Variants in CDYL2 observed in about 807,000 individuals in gnomAD.
CDYL2 encodes chromodomain Y-like protein 2.
CDYL2 carries 23 observed loss-of-function variants against 49.4 expected under a neutral mutation model. That is an observed-to-expected ratio of 0.47 (90% CI 0.34 to 0.66). The LOEUF (loss-of-function observed/expected upper bound fraction) is 0.66, where lower values mean the gene tolerates loss of function less well. Ranked by LOEUF, CDYL2 falls within the 30% of genes least tolerant of loss-of-function variation. The pLI, the probability that CDYL2 is intolerant of heterozygous loss-of-function variation, is 0.01. For synonymous variants in CDYL2, 360 were observed against 268.8 expected (o/e 1.34, Z -3.32); for missense variants, 678 against 656.4 (o/e 1.03, Z -0.36).
At chr16:80,686,622 G>C (rs544973548) in intron 1 of CDYL2, among the ~76,000 whole-genome samples, 1 of 152,188 alleles carries the variant, frequency 6.6e-6, no homozygotes, top group East Asian at 1.9e-4. Flanking sequence ...TTATGTTTAC[G>C]TGTTTGAATT....
At chr16:80,625,263 C>G (rs182748027) in intron 3 of CDYL2, among the ~76,000 whole-genome samples, 2 of 152,160 alleles carry the variant, frequency 1.3e-5, no homozygotes, top group Non-Finnish European at 2.9e-5. Context: ...CTTATAGAGG[C>G]CACCCACATT....
At position 80,767,277 on chromosome 16, in the gene CDYL2, TTTTTCAAAGAAAAGTTCTCTGAAAA is replaced by T. The variant is rs768722584; in HGVS notation, c.24+36848_24+36872del. On this transcript the variant is annotated intron_variant, in intron 1 of 6. Transcript: ENST00000570137. ...ACCCCAACTGCATTTTTGCACAGAA[TTTTTCAAAGAAAAGTTCTCTGAAAA>T]TTTTCAAAGAAAAGTTCTCTGAGCC... 2.0e-5 allele frequency among the ~76,000 whole-genome samples: 3 copies of T among 152,290 alleles called. No homozygotes were observed. In the East Asian group the frequency reaches 5.8e-4, roughly 29 times the overall value.
At chr16:80,730,305 T>A (rs6564787) in intron 1 of CDYL2, among the ~76,000 whole-genome samples, 1 of 151,906 alleles carries the variant, frequency 6.6e-6, no homozygotes, top group African/African-American at 2.4e-5. Context: ...AAACTGCCAT[T>A]AGAGAATGCT....
At chr16:80,786,264 C>A (rs964675552) in intron 1 of CDYL2, among the ~76,000 whole-genome samples, 2 of 152,058 alleles carry the variant, frequency 1.3e-5, no homozygotes, top group Admixed American at 1.3e-4. Flanking sequence ...AACAAATTTA[C>A]AAGAAAAAAG....
chr16:80,625,545 G>A (rs772345899), intron 3 of CDYL2, among the ~76,000 whole-genome samples: 7 of 152,312 alleles, frequency 4.6e-5, no homozygotes, highest in South Asian at 4.2e-4. Context: ...ATTTGGACAT[G>A]AACATCTTGG....
chr16:80,708,401 C>A (rs1018178063), intron 1 of CDYL2, among the ~76,000 whole-genome samples: 1 of 152,168 alleles, frequency 6.6e-6, no homozygotes, highest in Non-Finnish European at 1.5e-5. Context: ...TAAGACGTGA[C>A]TTTGCTCCTC....
At chr16:80,784,813 C>T (rs1907381537) in intron 1 of CDYL2, among the ~76,000 whole-genome samples, 2 of 152,156 alleles carry the variant, frequency 1.3e-5, no homozygotes, top group African/African-American at 4.8e-5. Flanking sequence ...AGCTGGGCTG[C>T]CCCAAGAATA....
At chr16:80,647,069 A>G (rs1908382582) in intron 2 of CDYL2, among the ~76,000 whole-genome samples, 1 of 152,210 alleles carries the variant, frequency 6.6e-6, no homozygotes, top group Non-Finnish European at 1.5e-5. Context: ...CCAACAGTAA[A>G]CAATCTGAAA....
chr16:80,803,599 C>G (rs1391446452), intron 1 of CDYL2, among the ~76,000 whole-genome samples: 1 of 144,080 alleles, frequency 6.9e-6, no homozygotes, highest in Admixed American at 6.8e-5. Context: ...CCCACCCAGC[C>G]TCCCCCTTCG....
At chr16:80,616,724 G>A (rs112783175) in intron 4 of CDYL2, among the ~76,000 whole-genome samples, 1 of 152,318 alleles carries the variant, frequency 6.6e-6, no homozygotes, top group African/African-American at 2.4e-5. Flanking sequence ...TTAGCTAGAA[G>A]TCATGGCTGG....
At chr16:80,776,244 G>C (rs1449839210) in intron 1 of CDYL2, among the ~76,000 whole-genome samples, 2 of 152,164 alleles carry the variant, frequency 1.3e-5, no homozygotes, top group African/African-American at 2.4e-5. Context: ...AAATAAGTAA[G>C]TTAAGCACTC....
chr16:80,787,343 A>G (rs916178080), intron 1 of CDYL2, among the ~76,000 whole-genome samples: 1 of 152,194 alleles, frequency 6.6e-6, no homozygotes, highest in Middle Eastern at 3.2e-3. Context: ...AATTTATACT[A>G]CAGCACTTCC....
At chr16:80,803,989 C>A (rs1908015456) in intron 1 of CDYL2, among the ~76,000 whole-genome samples, 161 bp downstream of exon 1, 1 of 137,112 alleles carries the variant, frequency 7.3e-6, no homozygotes, top group African/African-American at 2.6e-5. Context: ...GCGGGAGGCG[C>A]GCCCGGCCCC....
intron 1 of CDYL2, among the ~76,000 whole-genome samples, chr16:80,798,195 C>T (rs1302912935): frequency 6.6e-6 from 1 of 152,116 alleles, no homozygotes; most frequent in Non-Finnish European, 1.5e-5. Flanking sequence ...CACATACCAT[C>T]ATGCCCAATA....
intron 1 of CDYL2, among the ~76,000 whole-genome samples, chr16:80,756,316 G>C (rs759878587): frequency 9.2e-5 from 14 of 152,006 alleles, no homozygotes; most frequent in Non-Finnish European, 2.1e-4. Flanking sequence ...ACAAACCTCT[G>C]TCTAGTCTAT....
chr16:80,674,188 G>T (rs1274271122), intron 2 of CDYL2, among the ~76,000 whole-genome samples: 1 of 152,158 alleles, frequency 6.6e-6, no homozygotes, highest in Non-Finnish European at 1.5e-5. Flanking sequence ...GGGAGCCTGG[G>T]TTCACGAGTG....
chr16:80,710,368 A>G (rs570413946), intron 1 of CDYL2, among the ~76,000 whole-genome samples: 2 of 152,336 alleles, frequency 1.3e-5, no homozygotes, highest in Admixed American at 1.3e-4. Flanking sequence ...ACATAACAAT[A>G]TTTACCAAGT....
chr16:80,694,258 A>G (rs539597560), intron 1 of CDYL2, among the ~76,000 whole-genome samples: 6 of 152,222 alleles, frequency 3.9e-5, no homozygotes, highest in Non-Finnish European at 8.8e-5. Context: ...GGCGGAGCTC[A>G]GGTGGTAATG....
At chr16:80,680,049 G>T (rs898741336) in intron 2 of CDYL2, among the ~76,000 whole-genome samples, 1 of 152,168 alleles carries the variant, frequency 6.6e-6, no homozygotes, top group Non-Finnish European at 1.5e-5. Context: ...TTAAAACATG[G>T]TTATCCATTA....
Sources: allele counts gnomAD v4.1 joint callset (sites outside exome capture counted in the v4.1 genomes callset), GRCh38; gene constraint gnomAD v4.1.1; transcripts MANE v1.5; gene names NCBI Gene and HGNC (gene_info 2026-07-23, HGNC 2026-07-21).